UNC5D: variants seen among roughly 807,000 people sequenced by gnomAD.
UNC5D encodes the protein unc-5 netrin receptor D.
Under a neutral mutation model 105.4 loss-of-function variants are expected in UNC5D, and 39 were observed. The ratio of observed to expected loss-of-function variants is 0.37; its 90% CI spans 0.29 to 0.48. The LOEUF is 0.48. Ranked by LOEUF, UNC5D falls within the 20% of genes least tolerant of loss-of-function variation. The probability of loss-of-function intolerance (pLI) is 0.98; values close to 1 mark genes in which losing one functional copy is unlikely to be tolerated. For synonymous variants in UNC5D, 452 were observed against 450.4 expected (o/e 1.00, Z -0.04); for missense variants, 991 against 1,202.4 (o/e 0.82, Z 2.60).
intron 1 of UNC5D, among the ~76,000 whole-genome samples, chr8:35,422,066 G>A (rs1222510251): frequency 6.6e-6 from 1 of 152,182 alleles, no homozygotes; most frequent in Non-Finnish European, 1.5e-5. Context: ...TTTGTGTGTG[G>A]TAAACCATGA....
intron 1 of UNC5D, among the ~76,000 whole-genome samples, chr8:35,406,403 A>G (rs967505557): frequency 1.3e-5 from 2 of 152,008 alleles, no homozygotes; most frequent in Non-Finnish European, 2.9e-5. Flanking sequence ...TCTATGACTC[A>G]CCGTGTTTCT....
At chr8:35,308,716 G>C (rs967018190) in intron 1 of UNC5D, among the ~76,000 whole-genome samples, 4 of 152,104 alleles carry the variant, frequency 2.6e-5, no homozygotes, top group Non-Finnish European at 5.9e-5. Flanking sequence ...GCCATGACTT[G>C]TGAATCAATA....
At chr8:35,371,741 G>C (rs1484233809) in intron 1 of UNC5D, among the ~76,000 whole-genome samples, 1 of 152,056 alleles carries the variant, frequency 6.6e-6, no homozygotes, top group Non-Finnish European at 1.5e-5. Context: ...TACAATTCTG[G>C]GTCCTAGAGG....
chr8:35,263,997 C>CATTT (rs1563260584), intron 1 of UNC5D, among the ~76,000 whole-genome samples: 2 of 152,268 alleles, frequency 1.3e-5, no homozygotes, highest in African/African-American at 4.8e-5. Context: ...TTATTTAATA[C>CATTT]ATTTCTTAGA....
intron 4 of UNC5D, among the ~76,000 whole-genome samples, chr8:35,681,061 A>C (rs1426627216): frequency 6.6e-6 from 1 of 152,172 alleles, no homozygotes; most frequent in Non-Finnish European, 1.5e-5. Flanking sequence ...TGGGAATTTA[A>C]AATACCTAAT....
chr8:35,645,681 C>T (rs1823002336), intron 4 of UNC5D, among the ~76,000 whole-genome samples: 1 of 151,870 alleles, frequency 6.6e-6, no homozygotes. Flanking sequence ...GGTCTTTGAA[C>T]TAGGCTGCTT....
chr8:35,240,280 C>T (rs188529979), intron 1 of UNC5D, among the ~76,000 whole-genome samples: 3 of 152,184 alleles, frequency 2.0e-5, no homozygotes, highest in Non-Finnish European at 4.4e-5. Flanking sequence ...TGGCTACTGC[C>T]GGCATAAGAC....
At chr8:35,286,861 T>C (rs1806637174) in intron 1 of UNC5D, among the ~76,000 whole-genome samples, 1 of 152,178 alleles carries the variant, frequency 6.6e-6, no homozygotes, top group South Asian at 2.1e-4. Context: ...GAGCCTGTCA[T>C]ACAGCCGTGC....
intron 1 of UNC5D, among the ~76,000 whole-genome samples, chr8:35,509,286 G>C (rs1215889019): frequency 2.6e-5 from 4 of 151,534 alleles, no homozygotes; most frequent in Non-Finnish European, 5.9e-5. Flanking sequence ...AAAGAAAATA[G>C]GTTTACTATT....
At chr8:35,651,894 A>C (rs1425094696) in intron 4 of UNC5D, among the ~76,000 whole-genome samples, 5 of 152,208 alleles carry the variant, frequency 3.3e-5, no homozygotes, top group Non-Finnish European at 5.9e-5. Flanking sequence ...ATATGAAGTC[A>C]TTCTGCTACT....
chr8:35,774,710 T>C (rs1404612953), intron 16 of UNC5D, among the ~76,000 whole-genome samples: 2 of 152,082 alleles, frequency 1.3e-5, no homozygotes, highest in Admixed American at 1.3e-4. Flanking sequence ...GGCAGGCAAA[T>C]GGCTTGAGCC....
At chr8:35,744,612 T>G (rs1829915578) in intron 11 of UNC5D, among the ~76,000 whole-genome samples, 1 of 152,196 alleles carries the variant, frequency 6.6e-6, no homozygotes, top group Non-Finnish European at 1.5e-5. Flanking sequence ...CATGATTTAC[T>G]CTGATGCTCA....
intron 1 of UNC5D, among the ~76,000 whole-genome samples, chr8:35,308,050 A>G (rs1368173000): frequency 1.3e-5 from 2 of 152,068 alleles, no homozygotes; most frequent in East Asian, 3.9e-4. Context: ...CTTACTAAGA[A>G]GAAGGAAATG....
rs908292661 is a variant in UNC5D at position 35,249,576 on chromosome 8, A to G, written c.103+13689A>G. On this transcript the variant is annotated intron_variant, in intron 1 of 16. Transcript: ENST00000404895. ...CTGTCTCAAAATAATAATAATAATA[A>G]TAATAATAATAATAATAATAATAAT... Among the ~76,000 whole-genome samples the G allele has an allele frequency of 1.4e-4, 20 of 147,262 alleles. No homozygotes were observed. The East Asian group carries it at 3.5e-3, about 26-fold the overall frequency.
chr8:35,588,236 TAA>T (rs1165859449), intron 3 of UNC5D, among the ~76,000 whole-genome samples: 3 of 151,932 alleles, frequency 2.0e-5, no homozygotes, highest in Non-Finnish European at 2.9e-5. Flanking sequence ...ACAAGTCTAA[TAA>T]AAGAGTGTCC....
intron 1 of UNC5D, among the ~76,000 whole-genome samples, chr8:35,266,786 C>T (rs1430700118): frequency 7.2e-6 from 1 of 137,974 alleles, no homozygotes; most frequent in Non-Finnish European, 1.6e-5. Context: ...AGGCTGGGCT[C>T]AGCTGGGATG....
At chr8:35,747,434 G>A (rs964627296) in intron 11 of UNC5D, among the ~76,000 whole-genome samples, 1 of 152,124 alleles carries the variant, frequency 6.6e-6, no homozygotes, top group Admixed American at 6.5e-5. Flanking sequence ...TGCCCAACGG[G>A]TTGCTTTTTT....
intron 10 of UNC5D, among the ~76,000 whole-genome samples, chr8:35,729,537 C>T (rs1019788272): frequency 6.6e-6 from 1 of 152,136 alleles, no homozygotes; most frequent in Non-Finnish European, 1.5e-5. Flanking sequence ...CCTGAAAGAG[C>T]GGCAGCAGAG....
chr8:35,251,830 A>G (rs2128812366), intron 1 of UNC5D, among the ~76,000 whole-genome samples: 1 of 152,244 alleles, frequency 6.6e-6, no homozygotes, highest in African/African-American at 2.4e-5. Context: ...TAGTGTCTGA[A>G]GGATGTAGGC....
Sources: allele counts gnomAD v4.1 joint callset (sites outside exome capture counted in the v4.1 genomes callset), GRCh38; gene constraint gnomAD v4.1.1; transcripts MANE v1.5; gene names NCBI Gene and HGNC (gene_info 2026-07-23, HGNC 2026-07-21).